The following EIF3J variants were observed in gnomAD, a reference collection of about 807,000 sequenced individuals.
EIF3J encodes the protein eukaryotic translation initiation factor 3, subunit 1 (alpha, 35kD).
In EIF3J, 15 loss-of-function variants were observed where a neutral mutation model predicts 39.0. The ratio of observed to expected loss-of-function variants is 0.38; its 90% CI spans 0.26 to 0.59. The LOEUF (loss-of-function observed/expected upper bound fraction) is 0.59. Among genes scored for constraint, EIF3J ranks in the 20% least tolerant of loss-of-function variants. The probability of loss-of-function intolerance (pLI) is 0.60; values close to 1 mark genes in which losing one functional copy is unlikely to be tolerated. For missense variants in EIF3J, 226 were observed against 308.6 expected, an observed-to-expected ratio of 0.73 and a Z score of 2.00; for synonymous variants, 98 against 112.9, an observed-to-expected ratio of 0.87 and a Z score of 0.84.
At chr15:44,550,760 T>G (rs2082092104) in intron 2 of EIF3J, 116 bp from the exon 3 acceptor site, 3 of 711,720 alleles carry the variant, frequency 4.2e-6, no homozygotes, top group African/African-American at 1.8e-5. Flanking sequence ...TTTATAAATT[T>G]AATGCAGTAC....
chr15:44,541,139 C>T (rs575616981), intron 2 of EIF3J, among the ~76,000 whole-genome samples: 1 of 152,160 alleles, frequency 6.6e-6, no homozygotes, highest in Non-Finnish European at 1.5e-5. Flanking sequence ...ACCTTTTTTA[C>T]TATCCTGATA....
At chr15:44,559,224 C>T (rs893563109) in intron 6 of EIF3J, 4 of 141,926 alleles carry the variant, frequency 2.8e-5, no homozygotes, top group African/African-American at 1.0e-4. Flanking sequence ...CATGGTAAAA[C>T]CTCATCTCTA....
intron 2 of EIF3J, among the ~76,000 whole-genome samples, chr15:44,549,465 G>C (rs965472965): frequency 4.6e-5 from 7 of 151,412 alleles, no homozygotes; most frequent in African/African-American, 1.7e-4. Flanking sequence ...AATCCATCCA[G>C]AGGCAATGAA....
In EIF3J at chr15:44,540,257, ATATATATATATTT is replaced by A. The variant is rs1365016428; in HGVS notation, c.147+2832_147+2844del. 1.3e-4 allele frequency among the ~76,000 whole-genome samples: 7 copies of A among 54,472 alleles called. No individual in the cohort carries two copies. The East Asian group carries it at 3.4e-3, about 26-fold the overall frequency. 35.7% of individuals were successfully genotyped at this position (54,472 alleles called of 152,430 possible). Reference sequence around the variant, plus strand: ...TGGCTATATATATATATATATATATATATATATATATTTTTTTTTTTTTTTTGTAGATACAGGG... The same window carrying A: ...TGGCTATATATATATATATATATATATTTTTTTTTTTTTGTAGATACAGGG... On this transcript the variant is annotated intron_variant, in intron 2 of 7. Coordinates refer to ENST00000261868, the MANE Select transcript of EIF3J (RefSeq NM_003758.4).
At chr15:44,541,560 C>T (rs1374698792) in intron 2 of EIF3J, among the ~76,000 whole-genome samples, 4 of 151,480 alleles carry the variant, frequency 2.6e-5, no homozygotes, top group East Asian at 3.9e-4. Context: ...GAGCCTCTCT[C>T]GTCCTACTCA....
intron 2 of EIF3J, among the ~76,000 whole-genome samples, chr15:44,549,790 A>C (rs1048315255): frequency 6.8e-6 from 1 of 147,422 alleles, no homozygotes; most frequent in Non-Finnish European, 1.5e-5. Context: ...AAAAAAAAAA[A>C]CCATTTCTAC....
At chr15:44,543,078 T>C (rs750987701) in intron 2 of EIF3J, among the ~76,000 whole-genome samples, 1 of 152,228 alleles carries the variant, frequency 6.6e-6, no homozygotes, top group African/African-American at 2.4e-5. Context: ...TTACAAAAAA[T>C]TGGGCATATT....
intron 2 of EIF3J, among the ~76,000 whole-genome samples, chr15:44,538,788 G>C (rs904280231): frequency 6.6e-6 from 1 of 152,182 alleles, no homozygotes; most frequent in African/African-American, 2.4e-5. Flanking sequence ...CAGATTTTCA[G>C]TTTTGAGCCT....
At chr15:44,540,441 T>C (rs2082005418) in intron 2 of EIF3J, among the ~76,000 whole-genome samples, 1 of 150,806 alleles carries the variant, frequency 6.6e-6, no homozygotes, top group Non-Finnish European at 1.5e-5. Context: ...CTGGCTAATT[T>C]TTGTGTTTTT....
Position 44,561,278 on chromosome 15 carries a change from T to C in EIF3J, c.*129T>C, listed in dbSNP as rs561935016. On this transcript the variant is annotated 3_prime_UTR_variant, in exon 8 of 8. Coordinates refer to ENST00000261868, the MANE Select transcript of EIF3J (RefSeq NM_003758.4). ...TGCAGTATCTTTTGTGCTGGTTATT[T>C]AACCCCTTGACACTTAGGTGCTAAT... 2 of 1,157,936 alleles carry C rather than the reference T, an allele frequency of 1.7e-6. No homozygotes were observed. The highest frequency in any genetic ancestry group is 2.5e-5 in the East Asian group (1 of 40,478). The allele number at this position is 1,157,936 out of a possible 1,614,324, so 71.7% of individuals were successfully genotyped here.
At chr15:44,559,883 T>C (rs1018910477) in intron 6 of EIF3J, among the ~76,000 whole-genome samples, 2 of 152,004 alleles carry the variant, frequency 1.3e-5, no homozygotes, top group African/African-American at 4.8e-5. Context: ...TGAGCAATGG[T>C]GTGTTGGTGA....
At chr15:44,560,903 G>C in intron 7 of EIF3J, 115 bp from the exon 8 acceptor site, 19 of 1,396,134 alleles carry the variant, frequency 1.4e-5, no homozygotes, top group Non-Finnish European at 1.7e-5. Context: ...GTCCCTTACA[G>C]AACTAGTGTT....
At position 44,537,366 on chromosome 15, in the gene EIF3J, G is replaced by GGGGCGGCGGCAC; in HGVS notation, c.87_98dup (p.Gly30_Thr33dup). The stretch of plus-strand genomic sequence containing the variant: ...GTGGAAGACCCAGTGCGGAAGGTGG[G>GGGGCGGCGGCAC]GGGCGGCGGCACTGCCGGCGGGGAC... On this transcript the variant is annotated inframe_insertion, in exon 2 of 8. Transcript: ENST00000261868. 7 of 1,568,400 alleles carry GGGGCGGCGGCAC rather than the reference G, an allele frequency of 4.5e-6. No homozygotes were observed. Among genetic ancestry groups the GGGGCGGCGGCAC allele is most frequent in the Non-Finnish European group, 6.1e-6 (7 of 1,156,376 alleles).
chr15:44,554,018 C>G (rs2082123306), intron 4 of EIF3J, among the ~76,000 whole-genome samples: 1 of 148,192 alleles, frequency 6.7e-6, no homozygotes, highest in Admixed American at 6.6e-5. Flanking sequence ...CTGTTACCTT[C>G]TATTTAGTTG....
At chr15:44,537,502 C>G in intron 2 of EIF3J, 75 bp downstream of exon 2, 4 of 1,391,248 alleles carry the variant, frequency 2.9e-6, no homozygotes, top group Non-Finnish European at 3.7e-6. Flanking sequence ...GGCCCCGGGT[C>G]GCTGCCGGGG....
chr15:44,560,867 C>G (rs2082187254), intron 7 of EIF3J, 151 bp from the exon 8 acceptor site: 1 of 1,076,722 alleles, frequency 9.3e-7, no homozygotes, highest in Non-Finnish European at 1.3e-6. Context: ...GAGACCTGTT[C>G]AGGTCCAAAA....
chr15:44,548,614 CTTATGG>C (rs1421565914), intron 2 of EIF3J, among the ~76,000 whole-genome samples: 31 of 152,246 alleles, frequency 2.0e-4, no homozygotes, highest in Admixed American at 2.0e-3. Flanking sequence ...AGATTTATTT[CTTATGG>C]TTATGGAGGC....
intron 5 of EIF3J, among the ~76,000 whole-genome samples, chr15:44,556,035 T>G (rs2082141859): frequency 6.6e-6 from 1 of 151,956 alleles, no homozygotes; most frequent in Non-Finnish European, 1.5e-5. Context: ...TTTTGTTTTT[T>G]GGGGCTTTTT....
chr15:44,556,671 G>A (rs941324576), intron 5 of EIF3J, among the ~76,000 whole-genome samples: 43 of 151,988 alleles, frequency 2.8e-4, no homozygotes, highest in Admixed American at 4.6e-4. Context: ...CACCATGCCT[G>A]GCTAATTTTT....
Sources: allele counts gnomAD v4.1 joint callset (sites outside exome capture counted in the v4.1 genomes callset), GRCh38; gene constraint gnomAD v4.1.1; transcripts MANE v1.5; gene names NCBI Gene and HGNC (gene_info 2026-07-23, HGNC 2026-07-21).